The following SEMA3C variants were observed in gnomAD, a reference collection of about 807,000 sequenced individuals.
The protein encoded by SEMA3C is semaphorin 3C, also known as semaphorin-3C.
A neutral mutation model predicts 89.4 loss-of-function variants in SEMA3C; 47 were observed. The observed-to-expected ratio is 0.53, with a 90% confidence interval of 0.42 to 0.67. The LOEUF (loss-of-function observed/expected upper bound fraction) is 0.67, where lower values mean the gene tolerates loss of function less well. Ranked by LOEUF, SEMA3C falls within the 30% of genes least tolerant of loss-of-function variation. The pLI is 0.00. For missense variants in SEMA3C, 839 were observed against 929.1 expected (o/e 0.90, Z 1.26); for synonymous variants, 310 against 320.2 (o/e 0.97, Z 0.34).
At chr7:80,899,047 T>A (rs1390723133) in intron 2 of SEMA3C, among the ~76,000 whole-genome samples, 1 of 151,924 alleles carries the variant, frequency 6.6e-6, no homozygotes, top group Non-Finnish European at 1.5e-5. Flanking sequence ...TTTATCAACA[T>A]TTTTTTTGTT....
At position 80,800,025 on chromosome 7, in the gene SEMA3C, C is replaced by T. The variant is rs537769144; in HGVS notation, c.986+732G>A. Among the ~76,000 whole-genome samples, 242 of 149,162 alleles carry T rather than the reference C, an allele frequency of 1.6e-3. 3 individuals carry two copies. Among genetic ancestry groups the T allele is most frequent in the African/African-American group, 5.6e-3 (226 of 40,418 alleles). ...AAAATTAGCCAGGCGTGGTGGCGGG[C>T]GCCTGTAGTCCCAGCTACTTGGGAG... On this transcript the variant is annotated intron_variant, in intron 10 of 17. Coordinates refer to ENST00000265361, the MANE Select transcript of SEMA3C (RefSeq NM_006379.5).
intron 12 of SEMA3C, among the ~76,000 whole-genome samples, chr7:80,775,693 C>T (rs1394996747): frequency 6.6e-6 from 1 of 151,864 alleles, no homozygotes; most frequent in Admixed American, 6.6e-5. Flanking sequence ...CTTTTTTTTA[C>T]ACATGGTTTG....
At chr7:80,912,053 T>C (rs1792165699) in intron 2 of SEMA3C, among the ~76,000 whole-genome samples, 1 of 152,238 alleles carries the variant, frequency 6.6e-6, no homozygotes, top group African/African-American at 2.4e-5. Context: ...AGGAACCTTG[T>C]AACTCTGAAT....
intron 14 of SEMA3C, among the ~76,000 whole-genome samples, chr7:80,760,187 T>A (rs764775587): frequency 6.6e-6 from 1 of 152,218 alleles, no homozygotes; most frequent in Non-Finnish European, 1.5e-5. Flanking sequence ...CAAATAATTA[T>A]CCTTGCCTTG....
intron 11 of SEMA3C, among the ~76,000 whole-genome samples, chr7:80,791,059 G>A (rs530164169): frequency 6.6e-6 from 1 of 152,122 alleles, no homozygotes; most frequent in Non-Finnish European, 1.5e-5. Flanking sequence ...CCTCAATTCT[G>A]GCCAGGAGGG....
intron 2 of SEMA3C, among the ~76,000 whole-genome samples, chr7:80,867,217 C>T (rs1790948525): frequency 6.6e-6 from 1 of 152,110 alleles, no homozygotes; most frequent in African/African-American, 2.4e-5. Context: ...CAGAAAATAT[C>T]TATGTTGAAG....
intron 9 of SEMA3C, among the ~76,000 whole-genome samples, chr7:80,802,068 G>A (rs1789222222): frequency 6.6e-6 from 1 of 152,028 alleles, no homozygotes; most frequent in Admixed American, 6.6e-5. Flanking sequence ...TGTGCCCTGG[G>A]ATATTCAGAT....
intron 5 of SEMA3C, 41 bp downstream of exon 5, chr7:80,818,258 C>A (rs781239124): frequency 3.0e-5 from 46 of 1,521,456 alleles, no homozygotes; most frequent in Non-Finnish European, 3.9e-5. Context: ...AAATCCTTGA[C>A]ACTAATATCA....
At chr7:80,775,615 C>G (rs747750972) in intron 12 of SEMA3C, among the ~76,000 whole-genome samples, 5 of 152,020 alleles carry the variant, frequency 3.3e-5, no homozygotes, top group Non-Finnish European at 5.9e-5. Flanking sequence ...GTGGCAAAAT[C>G]TGTCCTGACT....
chr7:80,847,488 T>C (rs1331680459), intron 2 of SEMA3C: 1 of 152,214 alleles, frequency 6.6e-6, no homozygotes, highest in Non-Finnish European at 1.5e-5. Flanking sequence ...ACACTATCAT[T>C]TTCCACATTT....
intron 6 of SEMA3C, among the ~76,000 whole-genome samples, chr7:80,805,982 A>G (rs1789332268): frequency 6.6e-6 from 1 of 152,170 alleles, no homozygotes; most frequent in East Asian, 1.9e-4. Context: ...TTAAAAAATC[A>G]AACCTCAAAA....
chr7:80,787,906 CAA>C (rs1788840955), intron 12 of SEMA3C, among the ~76,000 whole-genome samples: 1 of 152,076 alleles, frequency 6.6e-6, no homozygotes, highest in Non-Finnish European at 1.5e-5. Context: ...CAGATATGTC[CAA>C]CCCGTGGGAA....
chr7:80,816,764 G>C (rs1037350326), intron 5 of SEMA3C, among the ~76,000 whole-genome samples: 27 of 152,132 alleles, frequency 1.8e-4, no homozygotes, highest in African/African-American at 6.5e-4. Flanking sequence ...CCTTTGAAAC[G>C]TATCTTTTGA....
chr7:80,788,527 T>G (rs912180207), intron 12 of SEMA3C, among the ~76,000 whole-genome samples: 1 of 152,186 alleles, frequency 6.6e-6, no homozygotes, highest in Non-Finnish European at 1.5e-5. Context: ...AAGTTCTCAG[T>G]GATACTGATA....
At position 80,763,121 on chromosome 7, in the gene SEMA3C, G is replaced by A. The variant is rs187788486; in HGVS notation, c.1444-1464C>T. 4.1e-4 allele frequency among the ~76,000 whole-genome samples: 63 copies of A among 152,180 alleles called. 3 individuals are homozygous for A. The highest frequency in any genetic ancestry group is 1.3e-3 in the African/African-American group (56 of 41,520). On this transcript the variant is annotated intron_variant, in intron 13 of 17. Transcript: ENST00000265361. ...ACTTCTAATTCTAGTTAAACTCAGCGGAACTAGACTTATTGTCAGAAAATG... is the reference window on the plus strand; with the variant it reads ...ACTTCTAATTCTAGTTAAACTCAGCAGAACTAGACTTATTGTCAGAAAATG...
intron 2 of SEMA3C, among the ~76,000 whole-genome samples, chr7:80,863,680 T>C (rs1482640425): frequency 6.7e-6 from 1 of 148,628 alleles, no homozygotes. Context: ...TATACACACA[T>C]ATATATACAC....
At chr7:80,881,880 G>T (rs1398951323) in intron 2 of SEMA3C, among the ~76,000 whole-genome samples, 1 of 152,104 alleles carries the variant, frequency 6.6e-6, no homozygotes, top group African/African-American at 2.4e-5. Flanking sequence ...GGCTGAGGAG[G>T]TTTATCCACG....
At chr7:80,782,294 T>C (rs1182163149) in intron 12 of SEMA3C, among the ~76,000 whole-genome samples, 2 of 152,210 alleles carry the variant, frequency 1.3e-5, no homozygotes, top group African/African-American at 2.4e-5. Context: ...TTCGTCCAAG[T>C]CTTCTCTGTC....
intron 2 of SEMA3C, among the ~76,000 whole-genome samples, chr7:80,840,275 T>C (rs1352173060): frequency 1.3e-5 from 2 of 151,922 alleles, no homozygotes; most frequent in African/African-American, 4.8e-5. Context: ...ATCCGAACAT[T>C]ATGGGAGGCA....
Sources: gnomAD v4.1 joint callset for allele counts (sites outside exome capture counted in the v4.1 genomes callset) on GRCh38, gnomAD v4.1.1 for gene constraint, MANE v1.5 for transcripts, NCBI Gene and HGNC (gene_info 2026-07-23, HGNC 2026-07-21) for gene names.